Variants in SOX30 observed in about 807,000 individuals in gnomAD.
The protein encoded by SOX30 is transcription factor SOX-30.
SOX30 carries 17 observed loss-of-function variants against 58.6 expected under a neutral mutation model. The observed-to-expected ratio is 0.29, with a 90% CI of 0.20 to 0.44. The LOEUF is 0.44. Among genes scored for constraint, SOX30 ranks in the 20% least tolerant of loss-of-function variants. The pLI is 1.00. For synonymous variants in SOX30, 421 were observed against 400.2 expected (o/e 1.05, Z -0.62); for missense variants, 951 against 965.8 (o/e 0.98, Z 0.20).
chr5:157,645,025 A>C (rs772507385), intron 3 of SOX30, among the ~76,000 whole-genome samples: 15 of 152,138 alleles, frequency 9.9e-5, no homozygotes, highest in Non-Finnish European at 2.1e-4. Flanking sequence ...GTAAGTGAAC[A>C]AAGTCATAAT....
At position 157,638,665 on chromosome 5, in the gene SOX30, A is replaced by C. The variant is rs771890744; in HGVS notation, c.1445T>G (p.Val482Gly). Residue 482 changes from valine to glycine, a missense_variant, in exon 4 of 5, where the codon GTC (valine) becomes GGC (glycine). Val to Gly is a moderately radical substitution (Grantham distance 109, BLOSUM62 -3). This residue lies in a region of SOX30 where 381 missense variants were observed against 390.0 expected (regional missense o/e 0.98). Transcript: ENST00000265007. Reference protein sequence around the residue: ...PTPAVQSPSPVTLFQPSVSSA... With the variant: ...PTPAVQSPSPGTLFQPSVSSA... ...GGAGACGCTGGGCTGGAAAAGTGTG[A>C]CAGGGCTTGGGCTCTGGACTGCAGG... 1 of 1,614,166 alleles carries C rather than the reference A, an allele frequency of 6.2e-7. No homozygotes were observed. The highest frequency in any genetic ancestry group is 2.2e-5 in the East Asian group (1 of 44,892).
intron 3 of SOX30, among the ~76,000 whole-genome samples, chr5:157,643,100 G>C (rs902197728): frequency 1.2e-4 from 17 of 147,740 alleles, no homozygotes; most frequent in African/African-American, 4.4e-4. Flanking sequence ...AGAAGAAAAC[G>C]GACAACAACA....
chr5:157,655,258 C>T (rs2113853991), upstream of SOX30, among the ~76,000 whole-genome samples: 2 of 152,188 alleles, frequency 1.3e-5, no homozygotes, highest in Middle Eastern at 3.4e-3. Context: ...CTGGTGAACC[C>T]TAAAGGGACG....
rs756032581 is a variant in SOX30 at position 157,626,447 on chromosome 5, A to G, written c.2155T>C (p.Leu719=). ...NPVPQLDIGT[L]ENVFTAPTST... ...GTCGGGGCTGTGAAGACATTCTCCA[A>G]GGTTCCAATGTCCAGCTGAGGCACA... Residue 719 remains leucine, a synonymous_variant, in exon 5 of 5, where the codon TTG becomes CTG. Transcript: ENST00000265007. 1.2e-6 allele frequency: 2 copies of G among 1,614,196 alleles called. No homozygotes were observed. Among genetic ancestry groups the G allele is most frequent in the South Asian group, 2.2e-5 (2 of 91,080 alleles).
chr5:157,651,362 G>T lies in SOX30; in HGVS notation c.717C>A (p.Ser239Arg). Reference sequence around the variant, plus strand: ...ACGTTGGGGCCAAGATGACCTCCGCGCTGCCATGAACCAGGCCATTGGACG... The same window carrying T: ...ACGTTGGGGCCAAGATGACCTCCGCTCTGCCATGAACCAGGCCATTGGACG... ...EPASNGLVHG[S>R]AEVILAPTSG... The change falls in exon 1 of 5, where the codon AGC becomes AGA. Residue 239 changes from serine (S) to arginine (R), a missense_variant. Transcript: ENST00000265007. 6.2e-7 allele frequency: 1 copy of T among 1,613,810 alleles called. No homozygotes were observed. Among genetic ancestry groups the T allele is most frequent in the Non-Finnish European group, 8.5e-7 (1 of 1,180,046 alleles).
upstream of SOX30, among the ~76,000 whole-genome samples, chr5:157,653,034 T>G (rs72813204): frequency 0.042 from 6,384 of 152,304 alleles, 212 homozygotes; most frequent in East Asian, 0.099. Context: ...TACTATTAGA[T>G]TGGTGCAAAA....
chr5:157,626,763 C>T, intron 4 of SOX30, 42 bp from the exon 5 acceptor site: 4 of 1,548,346 alleles, frequency 2.6e-6, no homozygotes, highest in Non-Finnish European at 3.5e-6. Context: ...ATCTTGCCCA[C>T]ATATTGCCTT....
chr5:157,671,436 G>A lies in SOX30; in HGVS notation c.-110C>T, dbSNP rs2113863476. On this transcript the variant is annotated 5_prime_UTR_variant, in exon 1 of 6. Coordinates refer to the SOX30 transcript ENST00000519442. ...ACCGCGTCCGTGGCCGCCGGACTCT[G>A]CACGCATGTCCAACAGCCCCCGTCC... 3 of 604,650 alleles carry A rather than the reference G, an allele frequency of 5.0e-6. No individual in the cohort carries two copies. The East Asian group carries it at 8.8e-5, about 18-fold the overall frequency. The allele number at this position is 604,650 out of a possible 1,614,324, so 37.5% of individuals were successfully genotyped here. A position where few individuals can be genotyped will look rare whatever the true frequency, so the allele number is the denominator to read the frequency against.
At chr5:157,665,563 C>T (rs1196491956) in intron 2 of SOX30, among the ~76,000 whole-genome samples, 2 of 150,662 alleles carry the variant, frequency 1.3e-5, no homozygotes, top group Non-Finnish European at 3.0e-5. Flanking sequence ...CAAACCTGCA[C>T]ATTGTGCACA....
chr5:157,669,441 T>A (rs1759731646), intron 1 of SOX30, among the ~76,000 whole-genome samples: 2 of 152,140 alleles, frequency 1.3e-5, no homozygotes, highest in Non-Finnish European at 2.9e-5. Context: ...CTCCCCGATC[T>A]CCCAAAGAGT....
chr5:157,671,447 C>T, exon 1 of SOX30: 1 of 614,912 alleles, frequency 1.6e-6, no homozygotes, highest in South Asian at 2.1e-5. Flanking sequence ...CACGCATGTC[C>T]AACAGCCCCC....
intron 4 of SOX30, among the ~76,000 whole-genome samples, chr5:157,631,053 A>ATATATATATACAATATATATATTTTT (rs1758791090): frequency 4.4e-5 from 2 of 45,808 alleles, no homozygotes; most frequent in African/African-American, 1.4e-4. Flanking sequence ...TATTTTATAT[A>ATATATATATACAATATATATATTTTT]TATATATATA....
chr5:157,626,244 T>C lies in SOX30; in HGVS notation c.*96A>G. 1 of 1,195,332 alleles carries C rather than the reference T, an allele frequency of 8.4e-7. No individual in the cohort carries two copies. The highest frequency in any genetic ancestry group is 1.8e-5 in the South Asian group (1 of 54,988). 74.0% of individuals were successfully genotyped at this position (1,195,332 alleles called of 1,614,324 possible). ...ACTCCTCAAATCACGACTGAAAACT[T>C]TCAACAAAGAATTCTAGGCTTTTTT... is the stretch of plus-strand genomic sequence containing the variant. On this transcript the variant is annotated 3_prime_UTR_variant, in exon 5 of 5. Transcript: ENST00000265007.
At chr5:157,644,914 G>A (rs570210794) in intron 3 of SOX30, among the ~76,000 whole-genome samples, 1 of 152,306 alleles carries the variant, frequency 6.6e-6, no homozygotes, top group Non-Finnish European at 1.5e-5. Context: ...CCAGGCGTCA[G>A]AGGCTGCAGT....
chr5:157,646,994 T>C (rs949498099), intron 2 of SOX30, among the ~76,000 whole-genome samples, 178 bp from the exon 3 acceptor site: 2 of 152,126 alleles, frequency 1.3e-5, no homozygotes, highest in African/African-American at 4.8e-5. Flanking sequence ...TATTTTAACA[T>C]ACATATCCAA....
intron 1 of SOX30, among the ~76,000 whole-genome samples, chr5:157,670,293 G>A (rs1204946779): frequency 6.6e-6 from 1 of 152,188 alleles, no homozygotes; most frequent in Non-Finnish European, 1.5e-5. Flanking sequence ...GTACAAGACA[G>A]TCATGGCCCC....
At chr5:157,638,144 A>G in intron 4 of SOX30, 86 bp downstream of exon 4, 2 of 1,346,674 alleles carry the variant, frequency 1.5e-6, no homozygotes, top group Non-Finnish European at 2.0e-6. Context: ...TTCAGTATTT[A>G]AAAACAAATA....
intron 3 of SOX30, among the ~76,000 whole-genome samples, chr5:157,643,451 T>G (rs1040536859): frequency 1.1e-4 from 17 of 151,794 alleles, no homozygotes; most frequent in African/African-American, 4.1e-4. Context: ...TATTAAAAAA[T>G]TTTTTTAAAA....
In SOX30 at chr5:157,652,002, C is replaced by T; in HGVS notation, c.77G>A (p.Gly26Asp). 2 of 1,431,164 alleles carry T rather than the reference C, an allele frequency of 1.4e-6. No homozygotes were observed. Among genetic ancestry groups the T allele is most frequent in the Non-Finnish European group, 1.8e-6 (2 of 1,100,596 alleles). 88.7% of individuals were successfully genotyped at this position (1,431,164 alleles called of 1,614,324 possible). The change falls in exon 1 of 5, where the codon GGC becomes GAC. Residue 26 changes from glycine (G) to aspartate (D), a missense_variant. Physicochemically the swap from Gly to Asp is moderately conservative, Grantham distance 94 (BLOSUM62 -1). This residue lies in a region of SOX30 where 363 missense variants were observed against 294.5 expected (regional missense o/e 1.23). Transcript: ENST00000265007. ...RPAPPPLPVE[G>D]TSFWAAAMEP... ...CATGGCTGCTGCCCAAAAGGAGGTG[C>T]CCTCGACCGGCAGCGGGGGCGGAGC...
Sources: allele counts gnomAD v4.1 joint callset (sites outside exome capture counted in the v4.1 genomes callset), GRCh38; gene constraint gnomAD v4.1.1; regional missense constraint gnomAD v4.1.1; transcripts MANE v1.5; gene names NCBI Gene and HGNC (gene_info 2026-07-23, HGNC 2026-07-21).